The following PLSCR4 variants were observed in gnomAD, a reference collection of about 807,000 sequenced individuals.
PLSCR4 encodes phospholipid scramblase 4.
PLSCR4 carries 25 observed loss-of-function variants against 36.3 expected under a neutral mutation model. The ratio of observed to expected loss-of-function variants is 0.69; its 90% CI spans 0.50 to 0.96. The LOEUF is 0.96. Ranked by LOEUF, PLSCR4 falls within the 40% of genes least tolerant of loss-of-function variation. PLSCR4 has a pLI of 0.00. For synonymous variants in PLSCR4, 122 were observed against 132.9 expected (o/e 0.92, Z 0.56); for missense variants, 408 against 414.7 (o/e 0.98, Z 0.14).
chr3:146,205,342 T>A (rs1047807932), intron 4 of PLSCR4, among the ~76,000 whole-genome samples: 5 of 151,976 alleles, frequency 3.3e-5, no homozygotes, highest in African/African-American at 1.2e-4. Flanking sequence ...TTCTTTACAA[T>A]TTCATGGACA....
At chr3:146,232,438 C>A (rs1704337083) in intron 1 of PLSCR4, among the ~76,000 whole-genome samples, 1 of 152,062 alleles carries the variant, frequency 6.6e-6, no homozygotes, top group South Asian at 2.1e-4. Flanking sequence ...GGCAGTAGAG[C>A]CATTTTAATG....
intron 1 of PLSCR4, among the ~76,000 whole-genome samples, chr3:146,247,835 T>A (rs565372153): frequency 1.3e-5 from 2 of 152,292 alleles, no homozygotes; most frequent in East Asian, 3.9e-4. Flanking sequence ...TTTCCCAGGC[T>A]GCTCTCAAAC....
At position 146,194,228 on chromosome 3, in the gene PLSCR4, A is replaced by G. The variant is rs1412820554; in HGVS notation, c.*183T>C. The G allele has an allele frequency of 5.2e-6, 3 of 579,192 alleles. No homozygotes were observed. Among genetic ancestry groups the G allele is most frequent in the East Asian group, 2.8e-5 (1 of 35,424 alleles). 35.9% of individuals were successfully genotyped at this position (579,192 alleles called of 1,614,324 possible). The stretch of plus-strand genomic sequence containing the variant: ...TCCTATTCTACTAGAGAGATACTCA[A>G]TTGAAACACACTTTTAGATTGTGTT... On this transcript the variant is annotated 3_prime_UTR_variant, in exon 9 of 9. Transcript: ENST00000354952.
intron 7 of PLSCR4, 77 bp from the exon 8 acceptor site, chr3:146,195,359 T>A (rs2033676174): frequency 8.8e-7 from 1 of 1,140,686 alleles, no homozygotes; most frequent in African/African-American, 1.5e-5. Flanking sequence ...TATGTTCAGA[T>A]AACATAAATA....
chr3:146,198,092 A>G (rs1304443646), intron 6 of PLSCR4, among the ~76,000 whole-genome samples: 1 of 152,166 alleles, frequency 6.6e-6, no homozygotes, highest in Non-Finnish European at 1.5e-5. Flanking sequence ...GTTACATACT[A>G]TATGATTCTG....
chr3:146,218,387 T>C (rs1434376757), intron 3 of PLSCR4, among the ~76,000 whole-genome samples: 2 of 151,940 alleles, frequency 1.3e-5, no homozygotes, highest in Non-Finnish European at 2.9e-5. Context: ...CATGTACTTT[T>C]AATATAAAAG....
In PLSCR4 at chr3:146,193,410, T is replaced by C. The variant is rs760780959; in HGVS notation, c.*1001A>G. 1.3e-5 allele frequency: 2 copies of C among 152,002 alleles called. No individual in the cohort carries two copies. Among genetic ancestry groups the C allele is most frequent in the Non-Finnish European group, 2.9e-5 (2 of 68,012 alleles). The allele number at this position is 152,002 out of a possible 1,614,324, so 9.4% of individuals were successfully genotyped here. On this transcript the variant is annotated 3_prime_UTR_variant, in exon 9 of 9. Transcript: ENST00000354952. ...AAAAACATAACTCCAGTTCTTACCATGAGAACAGCATGGTGATCACGAAGG... is the reference window on the plus strand; with the variant it reads ...AAAAACATAACTCCAGTTCTTACCACGAGAACAGCATGGTGATCACGAAGG...
At chr3:146,220,785 G>C (rs1389581322) in intron 3 of PLSCR4, 30 bp downstream of exon 3, 2 of 1,328,544 alleles carry the variant, frequency 1.5e-6, no homozygotes, top group Non-Finnish European at 2.2e-6. Flanking sequence ...TTTAGCAAAG[G>C]AGAATATCTT....
At chr3:146,224,711 G>T (rs1348527338) in intron 1 of PLSCR4, among the ~76,000 whole-genome samples, 12 of 152,050 alleles carry the variant, frequency 7.9e-5, no homozygotes, top group Admixed American at 7.9e-4. Flanking sequence ...GGCTCGGGCA[G>T]CCTGCTTTTA....
rs541154331 is a variant in PLSCR4, at chr3:146,221,860, A to G, written c.7+205T>C. On this transcript the variant is annotated intron_variant, in intron 2 of 8. Coordinates refer to ENST00000354952, the MANE Select transcript of PLSCR4 (RefSeq NM_020353.3). ...TGTGTCCCACTGTAAGTCCCTTTTT[A>G]ATCTTTTTCTGACAATGATAGGAAT... Among the ~76,000 whole-genome samples the G allele has an allele frequency of 3.3e-5, 5 of 152,150 alleles. No individual in the cohort carries two copies. The East Asian group carries it at 9.7e-4, about 29-fold the overall frequency.
At chr3:146,202,430 G>A (rs965204981) in intron 4 of PLSCR4, among the ~76,000 whole-genome samples, 1 of 152,088 alleles carries the variant, frequency 6.6e-6, no homozygotes, top group Non-Finnish European at 1.5e-5. Context: ...TAATCTAAAA[G>A]AAGTATATAT....
chr3:146,205,735 T>G (rs2034291258), intron 4 of PLSCR4, among the ~76,000 whole-genome samples: 1 of 152,114 alleles, frequency 6.6e-6, no homozygotes, highest in African/African-American at 2.4e-5. Context: ...ATGGTTTATT[T>G]CTAGAATTTT....
At chr3:146,250,849 G>C (rs1037608390) in intron 1 of PLSCR4, 111 bp downstream of exon 1, 1 of 152,340 alleles carries the variant, frequency 6.6e-6, no homozygotes, top group Non-Finnish European at 1.5e-5. Flanking sequence ...CTCCGCGCCT[G>C]CCCGCAGGCA....
intron 3 of PLSCR4, among the ~76,000 whole-genome samples, chr3:146,209,714 G>T (rs2034525381): frequency 6.6e-6 from 1 of 151,746 alleles, no homozygotes. Flanking sequence ...TAAATAACTG[G>T]GTCTTGGTTG....
At chr3:146,223,829 TAATA>T (rs2035295631) in intron 1 of PLSCR4, 1 of 144,882 alleles carries the variant, frequency 6.9e-6, no homozygotes, top group Admixed American at 7.0e-5. Flanking sequence ...TACTTTTATA[TAATA>T]TATATTATGT....
intron 3 of PLSCR4, among the ~76,000 whole-genome samples, chr3:146,208,688 A>G (rs1405271266): frequency 6.6e-6 from 1 of 152,210 alleles, no homozygotes; most frequent in Non-Finnish European, 1.5e-5. Flanking sequence ...ATGATCAGGG[A>G]AATGTAAATC....
At chr3:146,233,429 G>A (rs1370107445) in intron 1 of PLSCR4, among the ~76,000 whole-genome samples, 9 of 152,012 alleles carry the variant, frequency 5.9e-5, no homozygotes, top group African/African-American at 1.9e-4. Context: ...AACTTGAATG[G>A]GGCCCCACGG....
intron 1 of PLSCR4, among the ~76,000 whole-genome samples, chr3:146,249,664 T>G (rs1036019377): frequency 6.6e-6 from 1 of 150,900 alleles, no homozygotes; most frequent in South Asian, 2.1e-4. Context: ...TATTTTATTA[T>G]TTGTAATATA....
At chr3:146,207,677 T>C (rs939426480) in intron 3 of PLSCR4, among the ~76,000 whole-genome samples, 6 of 152,032 alleles carry the variant, frequency 3.9e-5, no homozygotes, top group African/African-American at 7.2e-5. Context: ...CATTGGGAAA[T>C]GGGACTTCAA....
Sources: allele counts gnomAD v4.1 joint callset (sites outside exome capture counted in the v4.1 genomes callset), GRCh38; gene constraint gnomAD v4.1.1; transcripts MANE v1.5; gene names NCBI Gene and HGNC (gene_info 2026-07-23, HGNC 2026-07-21).